Variants in ARHGEF11 observed in about 807,000 individuals in gnomAD.
ARHGEF11 encodes Rho guanine exchange factor (GEF) 11.
A neutral mutation model predicts 193.7 loss-of-function variants in ARHGEF11; 55 were observed. The ratio of observed to expected loss-of-function variants is 0.28; its 90% CI spans 0.23 to 0.36. The LOEUF is 0.36. Among genes scored for constraint, ARHGEF11 ranks in the 10% least tolerant of loss-of-function variants. The pLI is 1.00. For synonymous variants in ARHGEF11, 693 were observed against 768.0 expected, an observed-to-expected ratio of 0.90 and a Z score of 1.62; for missense variants, 1,723 against 2,005.6, an observed-to-expected ratio of 0.86 and a Z score of 2.69.
At chr1:156,966,502 A>G (rs1157172140) in intron 11 of ARHGEF11, among the ~76,000 whole-genome samples, 9 of 152,212 alleles carry the variant, frequency 5.9e-5, no homozygotes, top group Admixed American at 3.3e-4. Flanking sequence ...TGACTCCCCA[A>G]AAGATGACAA....
chr1:157,010,253 G>C (rs1357107403), intron 1 of ARHGEF11, among the ~76,000 whole-genome samples: 1 of 152,110 alleles, frequency 6.6e-6, no homozygotes, highest in Non-Finnish European at 1.5e-5. Context: ...GTTCTGGCCA[G>C]GGCAATTAGG....
At chr1:156,940,869 G>T (rs750652180) in intron 35 of ARHGEF11, among the ~76,000 whole-genome samples, 2 of 152,124 alleles carry the variant, frequency 1.3e-5, no homozygotes, top group Non-Finnish European at 2.9e-5. Flanking sequence ...CAGGGACCCA[G>T]CCAGGAAACC....
chr1:157,025,795 G>C (rs924874240), intron 1 of ARHGEF11, among the ~76,000 whole-genome samples: 1 of 152,146 alleles, frequency 6.6e-6, no homozygotes, highest in Non-Finnish European at 1.5e-5. Flanking sequence ...TGTCCTATGG[G>C]AACCCAGGCA....
At chr1:157,015,923 G>A (rs370230950) in intron 1 of ARHGEF11, among the ~76,000 whole-genome samples, 2 of 152,232 alleles carry the variant, frequency 1.3e-5, no homozygotes, top group African/African-American at 4.8e-5. Context: ...TCTCAACTGA[G>A]GAGGGGGAGA....
intron 3 of ARHGEF11, among the ~76,000 whole-genome samples, chr1:156,982,637 G>C (rs1197867445): frequency 3.3e-5 from 5 of 151,936 alleles, no homozygotes; most frequent in African/African-American, 1.2e-4. Flanking sequence ...TTCTTCTCTG[G>C]GTCTGACTCT....
intron 1 of ARHGEF11, among the ~76,000 whole-genome samples, chr1:157,035,828 ATATGGAATATATATATGTATATATT>A (rs1671880158): frequency 0.059 from 2 of 34 alleles, no homozygotes; most frequent in African/African-American, 0.17. Flanking sequence ...AGGAATATAT[ATATGGAATATATATATGTATATATT>A]TAGGAATATA....
chr1:157,044,604 T>C lies in ARHGEF11; in HGVS notation c.-274A>G, dbSNP rs1165076582. ...AAAAAAAAAGGAAAAGAGGAAAAAC[T>C]ACGACCTTCTCAGAAACCAAAAACC... On this transcript the variant is annotated 5_prime_UTR_variant, in exon 1 of 41. Transcript: ENST00000368194. 2.0e-6 allele frequency: 1 copy of C among 489,370 alleles called. No homozygotes were observed. The highest frequency in any genetic ancestry group is 1.9e-5 in the African/African-American group (1 of 51,378). 30.3% of individuals were successfully genotyped at this position (489,370 alleles called of 1,614,324 possible). A position where few individuals can be genotyped will look rare whatever the true frequency, so the allele number is the denominator to read the frequency against.
intron 1 of ARHGEF11, among the ~76,000 whole-genome samples, chr1:157,007,795 T>A (rs1279007636): frequency 6.6e-6 from 1 of 152,200 alleles, no homozygotes; most frequent in African/African-American, 2.4e-5. Flanking sequence ...TGATACTTCC[T>A]GTTCTGTCTC....
intron 11 of ARHGEF11, 118 bp downstream of exon 11, chr1:156,967,869 T>C: frequency 7.2e-7 from 1 of 1,382,552 alleles, no homozygotes; most frequent in Non-Finnish European, 1.0e-6. Flanking sequence ...TCTCAAAGTT[T>C]GGGTTGCTGA....
In ARHGEF11 at chr1:156,939,529, A is replaced by T; in HGVS notation, c.4096+19T>A. On this transcript the variant is annotated intron_variant, in intron 37 of 40. Coordinates refer to ENST00000368194, the MANE Select transcript of ARHGEF11 (RefSeq NM_198236.3). ...GCAAGGGTGCTTGTCTCCCCACTGG[A>T]CACTCCCATTTATTTTACCTTTTCT... 1 of 1,607,054 alleles carries T rather than the reference A, an allele frequency of 6.2e-7. No homozygotes were observed.
chr1:156,962,946 A>G (rs1661169892), intron 13 of ARHGEF11, among the ~76,000 whole-genome samples: 1 of 151,088 alleles, frequency 6.6e-6, no homozygotes, highest in Non-Finnish European at 1.5e-5. Context: ...GACTTCCTGA[A>G]CTGATCAAGA....
At chr1:156,971,560 T>G in intron 8 of ARHGEF11, 137 bp downstream of exon 8, 1 of 1,180,820 alleles carries the variant, frequency 8.5e-7, no homozygotes, top group East Asian at 2.6e-5. Context: ...GGTTTCTTTG[T>G]AAAATACTAA....
intron 1 of ARHGEF11, among the ~76,000 whole-genome samples, chr1:156,992,221 A>G (rs1665834871): frequency 6.6e-6 from 1 of 152,154 alleles, no homozygotes; most frequent in Non-Finnish European, 1.5e-5. Flanking sequence ...TTTCTTCCTT[A>G]CACAACAGGT....
At chr1:156,944,464 TCA>T in intron 30 of ARHGEF11, 31 bp from the exon 31 acceptor site, 1 of 1,587,848 alleles carries the variant, frequency 6.3e-7, no homozygotes, top group Non-Finnish European at 8.6e-7. Flanking sequence ...ATTCATTCAT[TCA>T]TTCATTCATT....
At chr1:157,013,873 T>C (rs1349722024) in intron 1 of ARHGEF11, among the ~76,000 whole-genome samples, 1 of 152,194 alleles carries the variant, frequency 6.6e-6, no homozygotes, top group Non-Finnish European at 1.5e-5. Context: ...CTGAATTCCA[T>C]AGCTGATCAC....
At chr1:157,029,088 G>C (rs1240680988) in intron 1 of ARHGEF11, among the ~76,000 whole-genome samples, 1 of 151,248 alleles carries the variant, frequency 6.6e-6, no homozygotes, top group Non-Finnish European at 1.5e-5. Context: ...GGTCACCTGA[G>C]CTGGGGAGGT....
At chr1:157,046,236 C>T (rs1673316377), upstream of ARHGEF11, among the ~76,000 whole-genome samples, 1 of 151,102 alleles carries the variant, frequency 6.6e-6, no homozygotes, top group Admixed American at 6.6e-5. Flanking sequence ...CCGCCGCCGC[C>T]ACCGCCACCG....
chr1:157,001,293 T>C (rs147430365), intron 1 of ARHGEF11, among the ~76,000 whole-genome samples: 230 of 152,286 alleles, frequency 1.5e-3, no homozygotes, highest in African/African-American at 5.2e-3. Context: ...TCTCAACCCA[T>C]AGACTGAGCT....
chr1:156,948,085 A>C lies in ARHGEF11; in HGVS notation c.2153+96T>G, dbSNP rs1658476238. On this transcript the variant is annotated intron_variant, in intron 24 of 40. Transcript: ENST00000368194. This position sits in a 1 kb window ranked among gnomAD's most constrained non-coding sequence, Gnocchi z 4.2. ...AACCAGTGGGCCCAGAAGAGGAGAC[A>C]GCCACCCAACCAGCCCCTTGCAGGT... The C allele has an allele frequency of 6.5e-7, 1 of 1,536,848 alleles. No homozygotes were observed. Among genetic ancestry groups the C allele is most frequent in the African/African-American group, 1.4e-5 (1 of 73,076 alleles).
Sources: allele counts gnomAD v4.1 joint callset (sites outside exome capture counted in the v4.1 genomes callset), GRCh38; gene constraint gnomAD v4.1.1; non-coding constraint Gnocchi (gnomAD v3.1); transcripts MANE v1.5; gene names NCBI Gene and HGNC (gene_info 2026-07-23, HGNC 2026-07-21).